The following GUCY1A2 variants were observed in gnomAD, a reference collection of about 807,000 sequenced individuals.
GUCY1A2 encodes guanylate cyclase soluble subunit alpha-2.
GUCY1A2 carries 27 observed loss-of-function variants against 63.5 expected under a neutral mutation model. The observed-to-expected ratio is 0.43, with a 90% CI of 0.31 to 0.59. The LOEUF is 0.59. Ranked by LOEUF, GUCY1A2 falls within the 20% of genes least tolerant of loss-of-function variation. The pLI is 0.11. For missense variants in GUCY1A2, 768 were observed against 913.3 expected (o/e 0.84, Z 2.05); for synonymous variants, 364 against 343.5 (o/e 1.06, Z -0.66).
intron 1 of GUCY1A2, among the ~76,000 whole-genome samples, chr11:107,003,152 G>C (rs923158928): frequency 6.6e-6 from 1 of 152,028 alleles, no homozygotes; most frequent in Non-Finnish European, 1.5e-5. Context: ...AATGTCTTGA[G>C]TCAGAGATGT....
In GUCY1A2 at chr11:106,684,437, A is replaced by ATTAT. The variant is rs1862487621; in HGVS notation, c.*3108_*3111dup. 1 of 190,724 alleles carries ATTAT rather than the reference A, an allele frequency of 5.2e-6. No individual in the cohort carries two copies. The highest frequency in any genetic ancestry group is 1.9e-4 in the South Asian group (1 of 5,150). The allele number at this position is 190,724 out of a possible 1,614,324, so 11.8% of individuals were successfully genotyped here. The stretch of plus-strand genomic sequence containing the variant: ...AACTACTATGTTTCTGAAGCATATT[A>ATTAT]TTATTTTTTATTATGGCCAATGTTA... On this transcript the variant is annotated 3_prime_UTR_variant, in exon 8 of 8. Coordinates refer to ENST00000526355, the MANE Select transcript of GUCY1A2 (RefSeq NM_000855.3).
chr11:106,766,934 A>G (rs1418102933), intron 6 of GUCY1A2, among the ~76,000 whole-genome samples: 3 of 152,078 alleles, frequency 2.0e-5, no homozygotes, highest in African/African-American at 7.2e-5. Context: ...GGGAAAAAAT[A>G]TTGGCAGATG....
chr11:106,949,230 G>C (rs1321405582), intron 3 of GUCY1A2, among the ~76,000 whole-genome samples: 1 of 151,970 alleles, frequency 6.6e-6, no homozygotes, highest in Non-Finnish European at 1.5e-5. Context: ...TGTTTCTCTG[G>C]AAAGCCCTCC....
chr11:106,821,824 G>C (rs1340178827), intron 4 of GUCY1A2, among the ~76,000 whole-genome samples: 1 of 152,080 alleles, frequency 6.6e-6, no homozygotes, highest in Non-Finnish European at 1.5e-5. Flanking sequence ...TTATGTGTTT[G>C]TGTATTATTT....
intron 6 of GUCY1A2, among the ~76,000 whole-genome samples, chr11:106,718,373 C>T (rs979378736): frequency 1.3e-5 from 2 of 151,824 alleles, no homozygotes; most frequent in Non-Finnish European, 2.9e-5. Flanking sequence ...AGGATAAAAC[C>T]CTACAAACCA....
At chr11:106,791,184 G>A (rs1404197070) in intron 5 of GUCY1A2, among the ~76,000 whole-genome samples, 1 of 152,204 alleles carries the variant, frequency 6.6e-6, no homozygotes, top group Admixed American at 6.5e-5. Flanking sequence ...TCTGCCTAGG[G>A]CTGGTCTAAA....
intron 4 of GUCY1A2, among the ~76,000 whole-genome samples, chr11:106,860,758 C>T (rs1252278278): frequency 6.6e-6 from 1 of 151,942 alleles, no homozygotes; most frequent in Non-Finnish European, 1.5e-5. Context: ...AAGGAGGTGC[C>T]AATGTCTATC....
rs117820527 is a variant in GUCY1A2, at chr11:106,952,150, A to G, written c.488-11972T>C. Among the ~76,000 whole-genome samples the G allele has an allele frequency of 7.0e-3, 1,059 of 152,262 alleles. 16 individuals are homozygous for G. The highest frequency in any genetic ancestry group is 0.034 in the Middle Eastern group (10 of 294). On this transcript the variant is annotated intron_variant, in intron 3 of 7. Transcript: ENST00000526355. ...ATTTTGGTTACTGTAGCCTCGTAGT[A>G]TACTTTGAAGTCAGGTAGCATGAGG... is the stretch of plus-strand genomic sequence containing the variant.
intron 3 of GUCY1A2, among the ~76,000 whole-genome samples, chr11:106,949,713 G>A (rs1860879049): frequency 6.6e-6 from 1 of 151,924 alleles, no homozygotes; most frequent in South Asian, 2.1e-4. Context: ...ATGTCAACTA[G>A]GCCACCAAAA....
intron 5 of GUCY1A2, among the ~76,000 whole-genome samples, chr11:106,809,697 G>C (rs1858737997): frequency 6.6e-6 from 1 of 151,992 alleles, no homozygotes; most frequent in African/African-American, 2.4e-5. Context: ...GTGGTAAAAA[G>C]TTACCTAGAA....
At chr11:106,898,040 T>TA (rs1446655790) in intron 4 of GUCY1A2, among the ~76,000 whole-genome samples, 4 of 152,090 alleles carry the variant, frequency 2.6e-5, no homozygotes, top group African/African-American at 9.7e-5. Context: ...ACAAATATCT[T>TA]AAAAAATACC....
chr11:106,949,084 A>G (rs1489429419), intron 3 of GUCY1A2, among the ~76,000 whole-genome samples: 1 of 152,168 alleles, frequency 6.6e-6, no homozygotes, highest in Non-Finnish European at 1.5e-5. Flanking sequence ...TAATAAAATT[A>G]CGATTGTGTG....
At chr11:106,953,977 C>A (rs1038844128) in intron 3 of GUCY1A2, among the ~76,000 whole-genome samples, 2 of 151,926 alleles carry the variant, frequency 1.3e-5, no homozygotes, top group African/African-American at 2.4e-5. Context: ...CTCCTGGATT[C>A]ATTGATTTTT....
At chr11:106,909,806 T>G (rs1269998060) in intron 4 of GUCY1A2, among the ~76,000 whole-genome samples, 1 of 152,014 alleles carries the variant, frequency 6.6e-6, no homozygotes, top group African/African-American at 2.4e-5. Context: ...AATAAAGCTG[T>G]CATGCAAATT....
Position 106,686,367 on chromosome 11 carries a change from C to A in GUCY1A2, c.*1182G>T, listed in dbSNP as rs1249384537. On this transcript the variant is annotated 3_prime_UTR_variant, in exon 8 of 8. Coordinates refer to ENST00000526355, the MANE Select transcript of GUCY1A2 (RefSeq NM_000855.3). ...GATTCACTGAATTTAAAAGCCATAT[C>A]AATCAAACTGCAGAACATTTTTTAA... is the stretch of plus-strand genomic sequence containing the variant. The A allele has an allele frequency of 4.5e-6, 1 of 220,348 alleles. No homozygotes were observed. The highest frequency in any genetic ancestry group is 9.1e-6 in the Non-Finnish European group (1 of 110,004). The allele number at this position is 220,348 out of a possible 1,614,324, so 13.6% of individuals were successfully genotyped here. A position where few individuals can be genotyped will look rare whatever the true frequency, so the allele number is the denominator to read the frequency against.
At chr11:106,764,165 CATT>C (rs1864117619) in intron 6 of GUCY1A2, among the ~76,000 whole-genome samples, 1 of 152,058 alleles carries the variant, frequency 6.6e-6, no homozygotes, top group South Asian at 2.1e-4. Context: ...TAATTGTCCT[CATT>C]ATTTCAACAT....
chr11:106,902,730 T>C (rs950363505), intron 4 of GUCY1A2, among the ~76,000 whole-genome samples: 2 of 152,252 alleles, frequency 1.3e-5, no homozygotes, highest in African/African-American at 2.4e-5. Flanking sequence ...AACCTGTTTC[T>C]GTACTGAACA....
intron 6 of GUCY1A2, among the ~76,000 whole-genome samples, chr11:106,727,907 G>T (rs185208589): frequency 4.5e-4 from 68 of 152,168 alleles, no homozygotes; most frequent in Non-Finnish European, 9.0e-4. Flanking sequence ...CTACCAAATG[G>T]TTCTTTCTAA....
chr11:106,995,260 T>C (rs1861520257), intron 1 of GUCY1A2, among the ~76,000 whole-genome samples: 1 of 152,172 alleles, frequency 6.6e-6, no homozygotes, highest in Non-Finnish European at 1.5e-5. Context: ...TCAAGTAATT[T>C]GATGTTCAAA....
Sources: allele counts gnomAD v4.1 joint callset (sites outside exome capture counted in the v4.1 genomes callset), GRCh38; gene constraint gnomAD v4.1.1; transcripts MANE v1.5; gene names NCBI Gene and HGNC (gene_info 2026-07-23, HGNC 2026-07-21).